The following SLC39A14 variants were observed in gnomAD, a reference collection of about 807,000 sequenced individuals.
SLC39A14 encodes metal cation symporter ZIP14.
Under a neutral mutation model 45.5 loss-of-function variants are expected in SLC39A14, and 19 were observed. That is an observed-to-expected ratio of 0.42 (90% confidence interval 0.29 to 0.61). The LOEUF (loss-of-function observed/expected upper bound fraction) is 0.61. Among genes scored for constraint, SLC39A14 ranks in the 20% least tolerant of loss-of-function variants. The pLI is 0.22. For missense variants in SLC39A14, 447 were observed against 616.5 expected, an observed-to-expected ratio of 0.73 and a Z score of 2.91; for synonymous variants, 264 against 251.3, an observed-to-expected ratio of 1.05 and a Z score of -0.48.
At chr8:22,383,096 G>A (rs1292465922) in intron 1 of SLC39A14, among the ~76,000 whole-genome samples, 1 of 152,160 alleles carries the variant, frequency 6.6e-6, no homozygotes, top group Non-Finnish European at 1.5e-5. Flanking sequence ...AAAGCTGGGT[G>A]TGGTATGGTA....
At chr8:22,389,589 T>C (rs1233047295) in intron 1 of SLC39A14, among the ~76,000 whole-genome samples, 1 of 152,028 alleles carries the variant, frequency 6.6e-6, no homozygotes, top group Non-Finnish European at 1.5e-5. Flanking sequence ...GCACAGGTGC[T>C]TGTCATGGGC....
chr8:22,421,215 G>A lies in SLC39A14; in HGVS notation c.*1517G>A. ...TGATTCATGTGCATGGCTGACAGGAGTACTGGTTCACTACCAATGCCTGAG... is the reference window on the plus strand; with the variant it reads ...TGATTCATGTGCATGGCTGACAGGAATACTGGTTCACTACCAATGCCTGAG... On this transcript the variant is annotated 3_prime_UTR_variant, in exon 9 of 9. Transcript: ENST00000381237. 2.0e-6 allele frequency: 2 copies of A among 985,824 alleles called. No individual in the cohort carries two copies. Among genetic ancestry groups the A allele is most frequent in the Non-Finnish European group, 2.4e-6 (2 of 829,942 alleles). 61.1% of individuals were successfully genotyped at this position (985,824 alleles called of 1,614,324 possible).
At chr8:22,397,252 A>G (rs1322512651) in intron 1 of SLC39A14, among the ~76,000 whole-genome samples, 1 of 152,142 alleles carries the variant, frequency 6.6e-6, no homozygotes, top group East Asian at 1.9e-4. Flanking sequence ...GCAGTCCTCA[A>G]GAGAAGTAGC....
Position 22,422,163 on chromosome 8 carries a change from C to T in SLC39A14, c.*2465C>T. The T allele has an allele frequency of 1.0e-6, 1 of 985,382 alleles. No individual in the cohort carries two copies. The highest frequency in any genetic ancestry group is 1.2e-6 in the Non-Finnish European group (1 of 829,936). The allele number at this position is 985,382 out of a possible 1,614,324, so 61.0% of individuals were successfully genotyped here. ...AAGTCAGTGGGAGGACTTTTTCACC[C>T]CTGGCATTAGCAGCTTCGACCTCAT... On this transcript the variant is annotated 3_prime_UTR_variant, in exon 9 of 9. Transcript: ENST00000381237.
chr8:22,407,006 G>A (rs1294257735), intron 2 of SLC39A14, among the ~76,000 whole-genome samples: 1 of 152,178 alleles, frequency 6.6e-6, no homozygotes, highest in Non-Finnish European at 1.5e-5. Context: ...AAGTGGAGCT[G>A]CAGATTTCAC....
At chr8:22,374,372 G>A (rs948683611) in intron 1 of SLC39A14, among the ~76,000 whole-genome samples, 25 of 152,076 alleles carry the variant, frequency 1.6e-4, no homozygotes, top group African/African-American at 5.8e-4. Flanking sequence ...GATGCAGGAT[G>A]GCCTTCCTGA....
At chr8:22,402,299 G>C (rs949761040) in intron 1 of SLC39A14, among the ~76,000 whole-genome samples, 3 of 151,692 alleles carry the variant, frequency 2.0e-5, no homozygotes, top group Non-Finnish European at 4.4e-5. Flanking sequence ...GTGGGAGAAT[G>C]GTGTGAACCC....
chr8:22,404,834 T>C lies in SLC39A14; in HGVS notation c.124T>C (p.Ser42Pro). 6.2e-7 allele frequency: 1 copy of C among 1,614,198 alleles called. No homozygotes were observed. The highest frequency in any genetic ancestry group is 8.5e-7 in the Non-Finnish European group (1 of 1,180,044). Reference protein sequence around the residue: ...SLGAPAISAASFLQDLIHRYG... With the variant: ...SLGAPAISAAPFLQDLIHRYG... ...GGGTGCACCAGCTATCAGCGCTGCC[T>C]CCTTCCTGCAGGATCTAATACATCG... Residue 42 changes from serine (S) to proline (P), a missense_variant, in exon 2 of 9, where the codon TCC becomes CCC. Transcript: ENST00000381237.
chr8:22,419,839 G>A lies in SLC39A14; in HGVS notation c.*141G>A. 7.3e-7 allele frequency: 1 copy of A among 1,376,508 alleles called. No homozygotes were observed. Among genetic ancestry groups the A allele is most frequent in the Non-Finnish European group, 9.4e-7 (1 of 1,067,954 alleles). 85.3% of individuals were successfully genotyped at this position (1,376,508 alleles called of 1,614,324 possible). ...ACAGACTGTATTCCTGCATTCAAATGTCAGCCGTTTGTAAAATGCTGTATC... is the reference window on the plus strand; with the variant it reads ...ACAGACTGTATTCCTGCATTCAAATATCAGCCGTTTGTAAAATGCTGTATC... On this transcript the variant is annotated 3_prime_UTR_variant, in exon 9 of 9. Coordinates refer to ENST00000381237, the MANE Select transcript of SLC39A14 (RefSeq NM_001128431.4).
intron 2 of SLC39A14, 138 bp from the exon 3 acceptor site, chr8:22,408,172 A>G (rs1835338649): frequency 1.4e-6 from 1 of 735,328 alleles, no homozygotes; most frequent in Non-Finnish European, 2.2e-6. Flanking sequence ...CCTAGACTAG[A>G]TGAATCTACA....
chr8:22,373,392 A>G (rs983825736), intron 1 of SLC39A14, among the ~76,000 whole-genome samples: 5 of 152,278 alleles, frequency 3.3e-5, no homozygotes, highest in Non-Finnish European at 7.4e-5. Flanking sequence ...TGATAATGAG[A>G]TAACAGGTTA....
chr8:22,430,556 A>C (rs1267084363), intron 8 of SLC39A14, among the ~76,000 whole-genome samples: 1 of 152,136 alleles, frequency 6.6e-6, no homozygotes, highest in Admixed American at 6.5e-5. Context: ...TTGGTATCTT[A>C]CCTGTGGAAC....
chr8:22,419,828 T>C lies in SLC39A14; in HGVS notation c.*130T>C. ...GAAAAACTGACACAGACTGTATTCC[T>C]GCATTCAAATGTCAGCCGTTTGTAA... is the stretch of plus-strand genomic sequence containing the variant. On this transcript the variant is annotated 3_prime_UTR_variant, in exon 9 of 9. Transcript: ENST00000381237. The C allele has an allele frequency of 7.2e-7, 1 of 1,396,440 alleles. No individual in the cohort carries two copies. 86.5% of individuals were successfully genotyped at this position (1,396,440 alleles called of 1,614,324 possible).
chr8:22,385,979 G>A (rs1417651585), intron 1 of SLC39A14, among the ~76,000 whole-genome samples: 1 of 152,134 alleles, frequency 6.6e-6, no homozygotes, highest in Non-Finnish European at 1.5e-5. Context: ...TCTCACTCTT[G>A]CCTAGGCTGG....
chr8:22,407,335 G>A (rs1835282543), intron 2 of SLC39A14, among the ~76,000 whole-genome samples: 1 of 152,130 alleles, frequency 6.6e-6, no homozygotes, highest in Non-Finnish European at 1.5e-5. Context: ...TGTATCTTCA[G>A]GCACACACAC....
At chr8:22,427,840 A>G (rs1836410074) in intron 8 of SLC39A14, among the ~76,000 whole-genome samples, 1 of 152,220 alleles carries the variant, frequency 6.6e-6, no homozygotes, top group Non-Finnish European at 1.5e-5. Context: ...TTCAGTATAC[A>G]TGATTCAGTG....
intron 1 of SLC39A14, among the ~76,000 whole-genome samples, chr8:22,370,907 G>A (rs1349592442): frequency 6.6e-6 from 1 of 152,194 alleles, no homozygotes; most frequent in Non-Finnish European, 1.5e-5. Context: ...CAGGAGATAA[G>A]GAGTCCAGAG....
chr8:22,405,083 G>A (rs1180855783), intron 2 of SLC39A14, 103 bp downstream of exon 2: 56 of 1,034,866 alleles, frequency 5.4e-5, no homozygotes, highest in Non-Finnish European at 7.1e-5. Context: ...CTTGGCAGAG[G>A]TAGGATGAGG....
chr8:22,422,653 A>T lies in SLC39A14; in HGVS notation c.*2955A>T. The T allele has an allele frequency of 1.0e-6, 1 of 983,836 alleles. No homozygotes were observed. The highest frequency in any genetic ancestry group is 4.7e-5 in the South Asian group (1 of 21,244). 60.9% of individuals were successfully genotyped at this position (983,836 alleles called of 1,614,324 possible). On this transcript the variant is annotated 3_prime_UTR_variant, in exon 9 of 9. Coordinates refer to ENST00000381237, the MANE Select transcript of SLC39A14 (RefSeq NM_001128431.4). Reference sequence around the variant, plus strand: ...GTAAATGTTTTATTTGTAAGATTCTATAAATAAAGCTATATTCTGTAATTG... The same window carrying T: ...GTAAATGTTTTATTTGTAAGATTCTTTAAATAAAGCTATATTCTGTAATTG...
Sources: gnomAD v4.1 joint callset for allele counts (sites outside exome capture counted in the v4.1 genomes callset) on GRCh38, gnomAD v4.1.1 for gene constraint, MANE v1.5 for transcripts, NCBI Gene and HGNC (gene_info 2026-07-23, HGNC 2026-07-21) for gene names.